CCDC33: variants seen among roughly 807,000 people sequenced by gnomAD.
The protein encoded by CCDC33 is coiled-coil domain-containing protein 33.
Under a neutral mutation model 91.9 loss-of-function variants are expected in CCDC33, and 94 were observed. The ratio of observed to expected loss-of-function variants is 1.02; its 90% CI spans 0.87 to 1.21. The LOEUF (loss-of-function observed/expected upper bound fraction) is 1.21. Ranked by LOEUF, CCDC33 falls within the 50% of genes most tolerant of loss-of-function variation. The pLI is 0.00. For synonymous variants in CCDC33, 396 were observed against 374.5 expected (o/e 1.06, Z -0.66); for missense variants, 940 against 935.5 (o/e 1.00, Z -0.06).
chr15:74,276,544 C>T (rs930249025), intron 7 of CCDC33, among the ~76,000 whole-genome samples: 6 of 152,152 alleles, frequency 3.9e-5, no homozygotes, highest in African/African-American at 1.2e-4. Context: ...TAGTGCTAGC[C>T]TCCCCTCAGG....
intron 2 of CCDC33, among the ~76,000 whole-genome samples, chr15:74,210,579 G>A (rs982859432): frequency 6.6e-6 from 1 of 152,234 alleles, no homozygotes; most frequent in African/African-American, 2.4e-5. Flanking sequence ...GTGAATTTTG[G>A]AGAATGAAGC....
rs76489976 is a variant in CCDC33, at chr15:74,333,888, T to C, written c.1946T>C (p.Leu649Pro). The stretch of plus-strand genomic sequence containing the variant: ...TTTGTGCTTTGCCCACAGGATCTCC[T>C]CTCTGGTACTTCAGACAAGTTCAAC... ...ILQQQALPDL[L>P]SGTSDKFNLL... The change falls in exon 17 of 19, where the codon CTC becomes CCC. Residue 649 changes from leucine (L) to proline (P), a missense_variant. By Grantham distance (98) the Leu-to-Pro change is moderately conservative (BLOSUM62 -3). Transcript: ENST00000398814. 5.6e-6 allele frequency: 9 copies of C among 1,613,202 alleles called. No homozygotes were observed. The African/African-American group carries it at 1.1e-4, about 19-fold the overall frequency.
intron 11 of CCDC33, among the ~76,000 whole-genome samples, chr15:74,325,316 C>T (rs1017708262): frequency 3.3e-5 from 5 of 152,032 alleles, no homozygotes; most frequent in Non-Finnish European, 7.4e-5. Flanking sequence ...CGACTTTGTT[C>T]CTGATCATAC....
At chr15:74,262,294 G>A (rs1287342042) in intron 2 of CCDC33, 146 bp from the exon 3 acceptor site, 1 of 1,052,342 alleles carries the variant, frequency 9.5e-7, no homozygotes, top group Non-Finnish European at 1.4e-6. Flanking sequence ...GAGAGGCCTG[G>A]GATGACACAA....
At chr15:74,288,501 T>C (rs376649060) in intron 10 of CCDC33, among the ~76,000 whole-genome samples, 6 of 152,332 alleles carry the variant, frequency 3.9e-5, no homozygotes, top group African/African-American at 1.4e-4. Context: ...AGCTGAAGCC[T>C]AGCTTTGGTT....
intron 4 of CCDC33, 64 bp from the exon 5 acceptor site, chr15:74,268,278 G>A (rs2076220206): frequency 8.6e-7 from 1 of 1,166,572 alleles, no homozygotes; most frequent in Admixed American, 1.7e-5. Flanking sequence ...CTGGATTTAT[G>A]GCCAGGATCT....
At chr15:74,205,117 A>G (rs1038928151) in intron 1 of CCDC33, among the ~76,000 whole-genome samples, 3 of 152,168 alleles carry the variant, frequency 2.0e-5, no homozygotes. Context: ...GGGGAAGAGA[A>G]GAGAGACGGG....
At chr15:74,273,856 G>C (rs968636439) in intron 7 of CCDC33, among the ~76,000 whole-genome samples, 1 of 127,762 alleles carries the variant, frequency 7.8e-6, no homozygotes, top group Non-Finnish European at 1.6e-5. Context: ...TTGAGACAGA[G>C]TCTTGCTCTT....
At chr15:74,226,194 G>A (rs2074790700) in intron 2 of CCDC33, among the ~76,000 whole-genome samples, 2 of 152,230 alleles carry the variant, frequency 1.3e-5, no homozygotes, top group South Asian at 4.1e-4. Context: ...CAAGCCGATT[G>A]TGGAGGAAGT....
intron 6 of CCDC33, among the ~76,000 whole-genome samples, 194 bp downstream of exon 6, chr15:74,271,988 A>AG (rs2076331612): frequency 6.6e-6 from 1 of 152,162 alleles, no homozygotes; most frequent in Non-Finnish European, 1.5e-5. Context: ...TTCTTTCCCC[A>AG]GGGAGAGCCC....
intron 1 of CCDC33, among the ~76,000 whole-genome samples, chr15:74,208,396 G>A (rs1238799975): frequency 6.6e-6 from 1 of 152,096 alleles, no homozygotes; most frequent in Non-Finnish European, 1.5e-5. Context: ...TGGCCACCGT[G>A]GTGTGGCCTT....
rs1595878248 is a variant in CCDC33 at position 74,218,300 on chromosome 15, G to A, written c.311-197G>A. Reference sequence around the variant, plus strand: ...CCCCTGCCCGGTGGGCTTGGATTGGGCATCAGCAAAGGGAGGGAGCCATGG... The same window carrying A: ...CCCCTGCCCGGTGGGCTTGGATTGGACATCAGCAAAGGGAGGGAGCCATGG... On this transcript the variant is annotated intron_variant, in intron 1 of 2. Transcript: ENST00000635913. The surrounding 1 kb of genome is among the most constrained non-coding windows in gnomAD (Gnocchi z 4.8). Among the ~76,000 whole-genome samples, 2 of 152,128 alleles carry A rather than the reference G, an allele frequency of 1.3e-5. No homozygotes were observed. Among genetic ancestry groups the A allele is most frequent in the South Asian group, 4.1e-4 (2 of 4,824 alleles).
chr15:74,331,531 A>G (rs2060439138), intron 15 of CCDC33, among the ~76,000 whole-genome samples: 1 of 152,144 alleles, frequency 6.6e-6, no homozygotes, highest in African/African-American at 2.4e-5. Flanking sequence ...CACAATTGGG[A>G]TGCAGTGTGA....
chr15:74,262,304 A>C, intron 2 of CCDC33, 136 bp from the exon 3 acceptor site: 1 of 1,146,626 alleles, frequency 8.7e-7, no homozygotes, highest in Non-Finnish European at 1.2e-6. Context: ...GGATGACACA[A>C]GTGTCTATGC....
At chr15:74,224,507 G>A (rs918729597) in intron 2 of CCDC33, among the ~76,000 whole-genome samples, 1 of 152,166 alleles carries the variant, frequency 6.6e-6, no homozygotes, top group African/African-American at 2.4e-5. Context: ...CAGGGTCTGT[G>A]CCTGGAACTC....
At chr15:74,223,771 C>A (rs1419398101) in intron 2 of CCDC33, among the ~76,000 whole-genome samples, 1 of 69,634 alleles carries the variant, frequency 1.4e-5, no homozygotes, top group Non-Finnish European at 2.7e-5. Flanking sequence ...CACACGCAAG[C>A]ATGCACACAC....
intron 11 of CCDC33, among the ~76,000 whole-genome samples, chr15:74,328,396 TCC>T (rs1338435821): frequency 2.0e-5 from 3 of 152,180 alleles, no homozygotes; most frequent in Non-Finnish European, 4.4e-5. Flanking sequence ...ACCAGGCATC[TCC>T]GTGTGAGGAC....
chr15:74,280,591 G>A, intron 8 of CCDC33, 77 bp from the exon 9 acceptor site: 1 of 1,408,574 alleles, frequency 7.1e-7, no homozygotes, highest in Non-Finnish European at 9.3e-7. Context: ...GAGACAGGAG[G>A]ACTGGATGTC....
chr15:74,320,323 G>A (rs1405240343), intron 11 of CCDC33, among the ~76,000 whole-genome samples: 1 of 152,070 alleles, frequency 6.6e-6, no homozygotes, highest in South Asian at 2.1e-4. Context: ...CCCCACCTCT[G>A]AAGTCCCACC....
Sources: gnomAD v4.1 joint callset for allele counts (sites outside exome capture counted in the v4.1 genomes callset) on GRCh38, gnomAD v4.1.1 for gene constraint, Gnocchi (gnomAD v3.1) non-coding constraint, MANE v1.5 for transcripts, NCBI Gene and HGNC (gene_info 2026-07-23, HGNC 2026-07-21) for gene names.